Variants in ACSF3 observed in about 807,000 individuals in gnomAD.
ACSF3 encodes the protein acyl-CoA synthetase family member 3, also known as malonate--CoA ligase ACSF3, mitochondrial.
ACSF3 carries 78 observed loss-of-function variants against 53.2 expected under a neutral mutation model. The observed-to-expected ratio is 1.47, with a 90% CI of 1.22 to 1.77. ACSF3 has a LOEUF of 1.77. Ranked by LOEUF, ACSF3 falls within the 40% of genes most tolerant of loss-of-function variation. ACSF3 has a pLI of 0.00. For synonymous variants in ACSF3, 414 were observed against 333.1 expected, an observed-to-expected ratio of 1.24 and a Z score of -2.65; for missense variants, 937 against 771.1, an observed-to-expected ratio of 1.22 and a Z score of -2.55.
intron 8 of ACSF3, 47 bp from the exon 9 acceptor site, chr16:89,145,220 C>T (rs753666788): frequency 1.2e-6 from 2 of 1,613,786 alleles, no homozygotes; most frequent in Admixed American, 3.3e-5. Context: ...TCAGGGGACA[C>T]CGTGGTGTTT....
chr16:89,147,697 T>C (rs1207134562), intron 10 of ACSF3: 1 of 152,164 alleles, frequency 6.6e-6, no homozygotes, highest in Admixed American at 6.5e-5. Context: ...TCCCACCAGG[T>C]CGCTCCTCCA....
intron 7 of ACSF3, among the ~76,000 whole-genome samples, chr16:89,132,137 G>C (rs979851499): frequency 1.3e-5 from 2 of 152,264 alleles, no homozygotes; most frequent in African/African-American, 2.4e-5. Flanking sequence ...CTCCACATCA[G>C]ATCAGTGTGT....
rs752748120 is a variant in ACSF3 at position 89,120,902 on chromosome 16, A to G, written c.1228A>G (p.Arg410Gly). 1 of 1,613,686 alleles carries G rather than the reference A, an allele frequency of 6.2e-7. No homozygotes were observed. Among genetic ancestry groups the G allele is most frequent in the Non-Finnish European group, 8.5e-7 (1 of 1,179,846 alleles). The change falls in exon 7 of 11, where the codon AGG becomes GGG. Residue 410 changes from arginine to glycine, a missense_variant. Arg to Gly is a moderately radical substitution (Grantham distance 125). Transcript: ENST00000614302. ...CACCATCCACGCAGAGGGAGACGAGAGGGGGACCAAGGTAAGCCACTCTGC... is the reference window on the plus strand; with the variant it reads ...CACCATCCACGCAGAGGGAGACGAGGGGGGGACCAAGGTAAGCCACTCTGC... ...SYTIHAEGDE[R>G]GTKVTPGFEE...
At chr16:89,138,514 T>C (rs1213016471) in intron 8 of ACSF3, among the ~76,000 whole-genome samples, 2 of 152,210 alleles carry the variant, frequency 1.3e-5, no homozygotes, top group Admixed American at 6.5e-5. Context: ...ATCGCGGGGA[T>C]GACAGGTGCC....
In ACSF3 at chr16:89,107,248, T is replaced by C. The variant is rs1383846753; in HGVS notation, c.822+4489T>C. On this transcript the variant is annotated intron_variant, in intron 4 of 10. Transcript: ENST00000614302. Reference sequence around the variant, plus strand: ...CACCCTCGGCTCTCAGTGCCCTTCTTTAGGGCAGCAGCTGCCCTCTGAAGA... The same window carrying C: ...CACCCTCGGCTCTCAGTGCCCTTCTCTAGGGCAGCAGCTGCCCTCTGAAGA... Among the ~76,000 whole-genome samples the C allele has an allele frequency of 3.9e-5, 6 of 152,182 alleles. No homozygotes were observed. The East Asian group carries it at 1.2e-3, about 29-fold the overall frequency.
At chr16:89,133,820 G>A (rs71395387) in intron 8 of ACSF3, among the ~76,000 whole-genome samples, 20,677 of 152,268 alleles carry the variant, frequency 0.14, 1,481 homozygotes, top group African/African-American at 0.19. Flanking sequence ...GCCAGAACAG[G>A]CCTGTGGGTG....
intron 4 of ACSF3, among the ~76,000 whole-genome samples, chr16:89,106,039 G>A (rs567071399): frequency 6.6e-6 from 1 of 152,348 alleles, no homozygotes; most frequent in South Asian, 2.1e-4. Flanking sequence ...CGGCGTCTCT[G>A]CCCAGGGGCA....
In ACSF3 at chr16:89,102,493, C is replaced by G. The variant is rs113568544; in HGVS notation, c.667-111C>G. 5.8e-4 allele frequency: 757 copies of G among 1,297,192 alleles called. 3 individuals carry two copies. In the African/African-American group the frequency reaches 8.6e-3, roughly 15 times the overall value. 80.4% of individuals were successfully genotyped at this position (1,297,192 alleles called of 1,614,324 possible). On this transcript the variant is annotated intron_variant, in intron 3 of 10. Coordinates refer to ENST00000614302, the MANE Select transcript of ACSF3 (RefSeq NM_001243279.3). ...AACAAAGAGCCAGCCTTCTCCTTCCCCTTCCTCAGTGGGGAGGCCCAGAGC... is the reference window on the plus strand; with the variant it reads ...AACAAAGAGCCAGCCTTCTCCTTCCGCTTCCTCAGTGGGGAGGCCCAGAGC...
rs1914607761 is a variant in ACSF3, at chr16:89,155,368, G to A, written c.*1161G>A. The A allele has an allele frequency of 2.2e-6, 1 of 451,470 alleles. No homozygotes were observed. Among genetic ancestry groups the A allele is most frequent in the African/African-American group, 2.0e-5 (1 of 49,878 alleles). 28.0% of individuals were successfully genotyped at this position (451,470 alleles called of 1,614,324 possible). ...TCTCAGGCTCACGTGCCTCTGACAG[G>A]AGACCAGCCCCATCTCAGGCTCACA... On this transcript the variant is annotated 3_prime_UTR_variant, in exon 11 of 11. Coordinates refer to ENST00000614302, the MANE Select transcript of ACSF3 (RefSeq NM_001243279.3).
intron 3 of ACSF3, chr16:89,102,348 T>C (rs1975443624): frequency 1.9e-6 from 1 of 539,368 alleles, no homozygotes; most frequent in Admixed American, 3.0e-5. Context: ...TCCCCGACCT[T>C]CTAAATTCCC....
chr16:89,095,740 G>A (rs1974537520), intron 1 of ACSF3, among the ~76,000 whole-genome samples: 1 of 152,248 alleles, frequency 6.6e-6, no homozygotes, highest in Admixed American at 6.5e-5. Flanking sequence ...GCACCCTGCT[G>A]AGCACGGCGC....
At chr16:89,105,806 G>C (rs1014678195) in intron 4 of ACSF3, among the ~76,000 whole-genome samples, 2 of 152,130 alleles carry the variant, frequency 1.3e-5, no homozygotes, top group Admixed American at 1.3e-4. Flanking sequence ...CCAGGGAGCT[G>C]AGGGCAGGTT....
chr16:89,154,961 T>A lies in ACSF3; in HGVS notation c.*754T>A, dbSNP rs1171805449. On this transcript the variant is annotated 3_prime_UTR_variant, in exon 11 of 11. Coordinates refer to ENST00000614302, the MANE Select transcript of ACSF3 (RefSeq NM_001243279.3). The stretch of plus-strand genomic sequence containing the variant: ...CTCAGCCGGTGAACCCTCTCTCCCA[T>A]CACCGTCTCCACCCAGACCCCCACC... 2.2e-6 allele frequency: 1 copy of A among 453,736 alleles called. No individual in the cohort carries two copies. The highest frequency in any genetic ancestry group is 7.0e-5 in the East Asian group (1 of 14,388). The allele number at this position is 453,736 out of a possible 1,614,324, so 28.1% of individuals were successfully genotyped here.
In ACSF3 at chr16:89,129,192, T is replaced by A. The variant is rs12448838; in HGVS notation, c.1240-3944T>A. On this transcript the variant is annotated intron_variant, in intron 7 of 10. Coordinates refer to ENST00000614302, the MANE Select transcript of ACSF3 (RefSeq NM_001243279.3). The stretch of plus-strand genomic sequence containing the variant: ...AAGGTGTTTGATCGTGTTGTTCAGT[T>A]CTTCTATATCCTTGCTGGTTTTCTC... Among the ~76,000 whole-genome samples, 94 of 152,276 alleles carry A rather than the reference T, an allele frequency of 6.2e-4. 2 individuals are homozygous for A. The highest frequency in any genetic ancestry group is 5.4e-3 in the Admixed American group (83 of 15,288).
intron 4 of ACSF3, among the ~76,000 whole-genome samples, chr16:89,107,814 A>T (rs976024000): frequency 1.3e-5 from 2 of 152,086 alleles, no homozygotes; most frequent in Admixed American, 1.3e-4. Flanking sequence ...TGTTTCACAC[A>T]CCCCAGCCCC....
Position 89,146,069 on chromosome 16 carries a change from G to A in ACSF3, c.1613+20G>A. On this transcript the variant is annotated intron_variant, in intron 10 of 10. Coordinates refer to ENST00000614302, the MANE Select transcript of ACSF3 (RefSeq NM_001243279.3). Reference sequence around the variant, plus strand: ...GGCCAGGTAGGGCTGGGTGGGGCGGGCAGGGAGCACTCATGGGGTCTTGGG... The same window carrying A: ...GGCCAGGTAGGGCTGGGTGGGGCGGACAGGGAGCACTCATGGGGTCTTGGG... 3 of 534,932 alleles carry A rather than the reference G, an allele frequency of 5.6e-6. No individual in the cohort carries two copies. Among genetic ancestry groups the A allele is most frequent in the South Asian group, 1.4e-5 (1 of 70,144 alleles). 33.1% of individuals were successfully genotyped at this position (534,932 alleles called of 1,614,324 possible). A position where few individuals can be genotyped will look rare whatever the true frequency, so the allele number is the denominator to read the frequency against.
intron 1 of ACSF3, among the ~76,000 whole-genome samples, chr16:89,095,559 G>C (rs548347101): frequency 7.1e-6 from 1 of 141,524 alleles, no homozygotes; most frequent in African/African-American, 2.6e-5. Flanking sequence ...CGGGGCAGCC[G>C]ACAGGAGGAA....
At chr16:89,114,234 C>G in intron 5 of ACSF3, 105 bp from the exon 6 acceptor site, 1 of 1,531,298 alleles carries the variant, frequency 6.5e-7, no homozygotes, top group Admixed American at 1.8e-5. Context: ...AAGGAGCTGC[C>G]ACTTTTGCAA....
At chr16:89,113,856 G>A (rs966930276) in intron 5 of ACSF3, 9 of 270,942 alleles carry the variant, frequency 3.3e-5, no homozygotes, top group Admixed American at 2.0e-4. Context: ...CTTGGGTGCC[G>A]CGGCCATTCA....
Sources: allele counts gnomAD v4.1 joint callset (sites outside exome capture counted in the v4.1 genomes callset), GRCh38; gene constraint gnomAD v4.1.1; transcripts MANE v1.5; gene names NCBI Gene and HGNC (gene_info 2026-07-23, HGNC 2026-07-21).